The following SNTG2 variants were observed in gnomAD, a reference collection of about 807,000 sequenced individuals.
SNTG2 encodes the protein gamma-2-syntrophin.
Under a neutral mutation model 70.9 loss-of-function variants are expected in SNTG2, and 74 were observed. That is an observed-to-expected ratio of 1.04 (90% CI 0.86 to 1.27). SNTG2 has a LOEUF of 1.27. Among genes scored for constraint, SNTG2 ranks in the 50% most tolerant of loss-of-function variants. The pLI is 0.00. For missense variants in SNTG2, 717 were observed against 690.7 expected (o/e 1.04, Z -0.43); for synonymous variants, 278 against 273.8 (o/e 1.02, Z -0.15).
intron 1 of SNTG2, among the ~76,000 whole-genome samples, chr2:1,068,531 T>C (rs1445068258): frequency 6.6e-6 from 1 of 152,222 alleles, no homozygotes; most frequent in Non-Finnish European, 1.5e-5. Flanking sequence ...ATATGAGTGA[T>C]AAAATGCTTA....
At chr2:1,275,189 G>A (rs1572905258) in intron 14 of SNTG2, among the ~76,000 whole-genome samples, 1 of 152,210 alleles carries the variant, frequency 6.6e-6, no homozygotes, top group East Asian at 1.9e-4. Context: ...CAAATGCCCT[G>A]CATTAGTCCC....
chr2:1,211,258 A>T (rs1266660681), intron 9 of SNTG2, among the ~76,000 whole-genome samples: 1 of 152,202 alleles, frequency 6.6e-6, no homozygotes, highest in Non-Finnish European at 1.5e-5. Flanking sequence ...CTCTCTTGAC[A>T]AAGAGGGAAA....
At chr2:1,217,278 T>C (rs1367101956) in intron 9 of SNTG2, among the ~76,000 whole-genome samples, 1 of 152,204 alleles carries the variant, frequency 6.6e-6, no homozygotes, top group South Asian at 2.1e-4. Flanking sequence ...TGGCAGAAGT[T>C]ATTTTCCTCC....
intron 1 of SNTG2, among the ~76,000 whole-genome samples, chr2:1,052,093 A>C (rs1662110676): frequency 6.6e-6 from 1 of 151,860 alleles, no homozygotes; most frequent in South Asian, 2.1e-4. Flanking sequence ...AAGTAATTTT[A>C]CTTTATTATA....
intron 4 of SNTG2, among the ~76,000 whole-genome samples, chr2:1,115,443 G>GT (rs994590371): frequency 1.1e-4 from 16 of 151,424 alleles, no homozygotes; most frequent in Admixed American, 1.3e-4. Context: ...ACTAAGTGAG[G>GT]TTTTACCCTT....
At chr2:1,224,817 G>A (rs568776791) in intron 9 of SNTG2, among the ~76,000 whole-genome samples, 4 of 152,314 alleles carry the variant, frequency 2.6e-5, no homozygotes, top group East Asian at 1.9e-4. Context: ...CATTTCAGAC[G>A]CAGCGTTTCC....
chr2:1,031,039 C>T (rs1033556063), intron 1 of SNTG2, among the ~76,000 whole-genome samples: 1 of 152,174 alleles, frequency 6.6e-6, no homozygotes, highest in Non-Finnish European at 1.5e-5. Context: ...CTGTTCCAGT[C>T]TTGTATGGCA....
chr2:1,275,799 C>G (rs1398021653), intron 14 of SNTG2, among the ~76,000 whole-genome samples: 1 of 152,202 alleles, frequency 6.6e-6, no homozygotes, highest in Non-Finnish European at 1.5e-5. Context: ...TCAAAACCTT[C>G]TTGTGCCAAA....
intron 2 of SNTG2, among the ~76,000 whole-genome samples, chr2:1,084,511 G>A (rs1314523451): frequency 6.6e-6 from 1 of 152,144 alleles, no homozygotes; most frequent in Non-Finnish European, 1.5e-5. Flanking sequence ...AGGAGGCGAA[G>A]GCTCTGGGAT....
At chr2:979,456 G>C (rs1346246431) in intron 1 of SNTG2, among the ~76,000 whole-genome samples, 1 of 152,162 alleles carries the variant, frequency 6.6e-6, no homozygotes, top group Non-Finnish European at 1.5e-5. Context: ...GAGCTTGCCC[G>C]TCGGGCTGTG....
At chr2:1,221,177 A>G (rs1674738320) in intron 9 of SNTG2, among the ~76,000 whole-genome samples, 1 of 151,984 alleles carries the variant, frequency 6.6e-6, no homozygotes, top group Admixed American at 6.6e-5. Flanking sequence ...CCCCACCCGC[A>G]CTGTGTGACA....
chr2:1,329,282 G>A (rs1056391106), intron 16 of SNTG2, among the ~76,000 whole-genome samples: 1 of 152,170 alleles, frequency 6.6e-6, no homozygotes, highest in African/African-American at 2.4e-5. Flanking sequence ...AACAAAAAAT[G>A]TCTATCGCAT....
chr2:1,157,407 C>T (rs1254462750), intron 6 of SNTG2, among the ~76,000 whole-genome samples: 1 of 152,200 alleles, frequency 6.6e-6, no homozygotes, highest in Non-Finnish European at 1.5e-5. Flanking sequence ...GTGGCTTGTG[C>T]GTACTTGGCA....
intron 4 of SNTG2, among the ~76,000 whole-genome samples, chr2:1,137,394 C>A (rs768321600): frequency 1.3e-5 from 2 of 150,828 alleles, no homozygotes; most frequent in African/African-American, 4.9e-5. Flanking sequence ...CACTCAGACT[C>A]GCAAATACCC....
At chr2:1,366,090 C>G (rs1661466230) in intron 16 of SNTG2, among the ~76,000 whole-genome samples, 1 of 152,130 alleles carries the variant, frequency 6.6e-6, no homozygotes, top group Non-Finnish European at 1.5e-5. Context: ...ATCTTTCTTT[C>G]TGGTGTCATC....
chr2:1,046,221 TTCTC>T (rs1661727992), intron 1 of SNTG2, among the ~76,000 whole-genome samples: 1 of 152,250 alleles, frequency 6.6e-6, no homozygotes, highest in South Asian at 2.1e-4. Flanking sequence ...TCATAGATCT[TTCTC>T]TATTCATTTC....
At chr2:1,026,874 T>C (rs1660507203) in intron 1 of SNTG2, among the ~76,000 whole-genome samples, 2 of 152,168 alleles carry the variant, frequency 1.3e-5, no homozygotes, top group South Asian at 2.1e-4. Context: ...CCCCTGCCCT[T>C]GGCCTCCTTC....
intron 14 of SNTG2, among the ~76,000 whole-genome samples, chr2:1,283,779 C>T (rs1207056855): frequency 1.3e-5 from 2 of 152,206 alleles, no homozygotes; most frequent in Non-Finnish European, 2.9e-5. Context: ...TGCAGAAGCT[C>T]AGCAACTGTG....
chr2:1,230,417 C>T (rs535716562), intron 9 of SNTG2, among the ~76,000 whole-genome samples: 21 of 152,140 alleles, frequency 1.4e-4, no homozygotes, highest in Non-Finnish European at 2.2e-4. Flanking sequence ...GAGAAGATTT[C>T]GGGACAGTTC....
Sources: allele counts gnomAD v4.1 joint callset (sites outside exome capture counted in the v4.1 genomes callset), GRCh38; gene constraint gnomAD v4.1.1; transcripts MANE v1.5; gene names NCBI Gene and HGNC (gene_info 2026-07-23, HGNC 2026-07-21).